CHN2: variants seen among roughly 807,000 people sequenced by gnomAD.
The protein encoded by CHN2 is beta-chimaerin.
Under a neutral mutation model 56.3 loss-of-function variants are expected in CHN2, and 35 were observed. The observed-to-expected ratio is 0.62, with a 90% CI of 0.47 to 0.82. The LOEUF (loss-of-function observed/expected upper bound fraction) is 0.82, where lower values mean the gene tolerates loss of function less well. CHN2 is among the 40% of genes least tolerant of loss of function. The pLI is 0.00. For missense variants in CHN2, 491 were observed against 580.5 expected, an observed-to-expected ratio of 0.85 and a Z score of 1.58; for synonymous variants, 210 against 212.8, an observed-to-expected ratio of 0.99 and a Z score of 0.12.
rs201909711 is a variant in CHN2, at chr7:29,194,958, A to C, written c.17A>C (p.Asn6Thr). ...CGCGCGGAGATGGCAGCGTCCAGCA[A>C]CTCCAGCCTGTCCGGCTCGTCGGTG... The part of the protein sequence containing the change: MAASS[N>T]SSLSGSSVSS... The change falls in exon 1 of 13, where the codon AAC becomes ACC. Residue 6 changes from asparagine (N) to threonine (T), a missense_variant. Physicochemically the swap from Asn to Thr is moderately conservative, Grantham distance 65. Coordinates refer to ENST00000222792, the MANE Select transcript of CHN2 (RefSeq NM_004067.4). 7.8e-4 allele frequency: 1,242 copies of C among 1,582,974 alleles called. 1 individual carries two copies. The highest frequency in any genetic ancestry group is 1.0e-3 in the Non-Finnish European group (1,162 of 1,167,726).
chr7:29,215,290 T>C (rs35528235), intron 1 of CHN2, among the ~76,000 whole-genome samples: 20,143 of 152,214 alleles, frequency 0.13, 1,700 homozygotes, highest in Non-Finnish European at 0.19. Flanking sequence ...GGTACAGCCC[T>C]TAGACAGAAA....
intron 8 of CHN2, among the ~76,000 whole-genome samples, 169 bp downstream of exon 8, chr7:29,496,205 A>G (rs60783047): frequency 0.35 from 52,373 of 151,634 alleles, 9,327 homozygotes; most frequent in Admixed American, 0.39. Flanking sequence ...AAGTGTTTGC[A>G]GGAATGAAAA....
intron 2 of CHN2, among the ~76,000 whole-genome samples, chr7:29,161,672 A>C (rs927014724): frequency 6.6e-6 from 1 of 152,216 alleles, no homozygotes; most frequent in Non-Finnish European, 1.5e-5. Flanking sequence ...ATCCATTTGA[A>C]TTTAAAAATA....
chr7:29,174,279 GC>G (rs1281852454), intron 2 of CHN2, among the ~76,000 whole-genome samples: 1 of 152,206 alleles, frequency 6.6e-6, no homozygotes, highest in African/African-American at 2.4e-5. Context: ...CTGGAGGGGG[GC>G]CAGCAATCCC....
At chr7:29,371,379 G>A (rs1799600018) in intron 3 of CHN2, among the ~76,000 whole-genome samples, 1 of 152,200 alleles carries the variant, frequency 6.6e-6, no homozygotes, top group Non-Finnish European at 1.5e-5. Flanking sequence ...TTGCTTTCTT[G>A]AAGCTTTACT....
chr7:29,364,776 A>G (rs1230611631), intron 2 of CHN2, among the ~76,000 whole-genome samples: 1 of 152,326 alleles, frequency 6.6e-6, no homozygotes, highest in Non-Finnish European at 1.5e-5. Flanking sequence ...TAAGCAATAC[A>G]TATGATTCAA....
At chr7:29,269,175 GC>G (rs1443825580) in intron 1 of CHN2, among the ~76,000 whole-genome samples, 2 of 151,860 alleles carry the variant, frequency 1.3e-5, no homozygotes, top group African/African-American at 4.8e-5. Context: ...GTATTTTTGT[GC>G]CCGTGAACCT....
intron 6 of CHN2, among the ~76,000 whole-genome samples, chr7:29,469,587 G>C (rs1754183359): frequency 6.7e-6 from 1 of 149,270 alleles, no homozygotes; most frequent in African/African-American, 2.4e-5. Flanking sequence ...CCTCTGCCTG[G>C]AATGTTCTTC....
chr7:29,480,266 T>C lies in CHN2; in HGVS notation c.577-13T>C, dbSNP rs959933512. The C allele has an allele frequency of 4.5e-5, 73 of 1,614,096 alleles. No individual in the cohort carries two copies. Among genetic ancestry groups the C allele is most frequent in the Non-Finnish European group, 5.9e-5 (70 of 1,180,042 alleles). Reference sequence around the variant, plus strand: ...TTCTTTGGCCCCCTCTCAAACTCTTTGCCTGTTCACAGATCTCCTCCCTGG... The same window carrying C: ...TTCTTTGGCCCCCTCTCAAACTCTTCGCCTGTTCACAGATCTCCTCCCTGG... On this transcript the variant is annotated splice_polypyrimidine_tract_variant and intron_variant, in intron 6 of 12. Transcript: ENST00000222792.
intron 1 of CHN2, among the ~76,000 whole-genome samples, chr7:29,261,209 C>A (rs1208644166): frequency 6.6e-6 from 1 of 152,178 alleles, no homozygotes; most frequent in East Asian, 1.9e-4. Flanking sequence ...TGGGGAAGGA[C>A]ATGGAGGCTC....
chr7:29,279,407 G>A (rs1247571593), intron 1 of CHN2, among the ~76,000 whole-genome samples: 2 of 152,372 alleles, frequency 1.3e-5, no homozygotes, highest in East Asian at 1.9e-4. Flanking sequence ...TCATATGCAC[G>A]AAGTGCCAAG....
rs1219075919 is a variant in CHN2 at position 29,194,874 on chromosome 7, GGGCGAGGGCAGC to G, written c.-63_-52del. On this transcript the variant is annotated 5_prime_UTR_variant, in exon 1 of 13. Transcript: ENST00000222792. ...GGGGCCGCGGAGGCTGCGAGCGGCC[GGGCGAGGGCAGC>G]GGCGGCGGCGTCCGCACCGGGGCTG... 1 of 1,341,108 alleles carries G rather than the reference GGGCGAGGGCAGC, an allele frequency of 7.5e-7. No individual in the cohort carries two copies. Among genetic ancestry groups the G allele is most frequent in the East Asian group, 3.1e-5 (1 of 32,298 alleles). The allele number at this position is 1,341,108 out of a possible 1,614,324, so 83.1% of individuals were successfully genotyped here. A position where few individuals can be genotyped will look rare whatever the true frequency, so the allele number is the denominator to read the frequency against.
At chr7:29,416,783 T>G (rs1241375949) in intron 6 of CHN2, among the ~76,000 whole-genome samples, 1 of 140,422 alleles carries the variant, frequency 7.1e-6, no homozygotes, top group Non-Finnish European at 1.6e-5. Flanking sequence ...CGTGTATATG[T>G]GTATGTATAT....
intron 2 of CHN2, among the ~76,000 whole-genome samples, chr7:29,356,885 G>C (rs1792126652): frequency 6.6e-6 from 1 of 152,168 alleles, no homozygotes; most frequent in Non-Finnish European, 1.5e-5. Context: ...AGAGGCATTG[G>C]GTGTTCCATG....
intron 1 of CHN2, among the ~76,000 whole-genome samples, chr7:29,287,062 T>C (rs1792205028): frequency 6.6e-6 from 1 of 152,186 alleles, no homozygotes. Flanking sequence ...TTTTAGTCCA[T>C]TTGTTTCTGG....
chr7:29,256,754 C>T (rs1436955831), intron 1 of CHN2, among the ~76,000 whole-genome samples: 1 of 152,042 alleles, frequency 6.6e-6, no homozygotes, highest in East Asian at 1.9e-4. Flanking sequence ...GGGTAGGGAA[C>T]CTAGAGGAAC....
Position 29,218,146 on chromosome 7 carries a change from G to A in CHN2, c.49+23156G>A, listed in dbSNP as rs1584768499. ...AAAGCTCTAAAGGGCCCTGGGTGAT[G>A]TTAGTCTCATTAGGGATTGTGATGT... On this transcript the variant is annotated intron_variant, in intron 1 of 12. Coordinates refer to ENST00000222792, the MANE Select transcript of CHN2 (RefSeq NM_004067.4). Among the ~76,000 whole-genome samples, 5 of 152,252 alleles carry A rather than the reference G, an allele frequency of 3.3e-5. No homozygotes were observed. In the South Asian group the frequency reaches 1.0e-3, roughly 32 times the overall value.
intron 1 of CHN2, among the ~76,000 whole-genome samples, chr7:29,353,060 G>A (rs1039253003): frequency 6.6e-6 from 1 of 152,142 alleles, no homozygotes; most frequent in East Asian, 1.9e-4. Context: ...CATCACTAAC[G>A]CACTGACTGT....
intron 7 of CHN2, among the ~76,000 whole-genome samples, chr7:29,492,192 A>T (rs996705021): frequency 6.6e-6 from 1 of 152,178 alleles, no homozygotes; most frequent in East Asian, 1.9e-4. Context: ...GAAATTATTC[A>T]ATAATCTATT....
Sources: allele counts gnomAD v4.1 joint callset (sites outside exome capture counted in the v4.1 genomes callset), GRCh38; gene constraint gnomAD v4.1.1; transcripts MANE v1.5; gene names NCBI Gene and HGNC (gene_info 2026-07-23, HGNC 2026-07-21).